Variants in ZRANB3 observed in about 807,000 individuals in gnomAD.
The protein encoded by ZRANB3 is zinc finger RANBP2-type containing 3, also known as DNA annealing helicase and endonuclease ZRANB3.
Under a neutral mutation model 133.8 loss-of-function variants are expected in ZRANB3, and 125 were observed. The ratio of observed to expected loss-of-function variants is 0.93; its 90% CI spans 0.81 to 1.08. The LOEUF is 1.08. ZRANB3 is among the 50% of genes least tolerant of loss of function. The pLI, the probability that ZRANB3 is intolerant of heterozygous loss-of-function variation, is 0.00. For synonymous variants in ZRANB3, 387 were observed against 432.7 expected (o/e 0.89, Z 1.31); for missense variants, 1,229 against 1,275.5 (o/e 0.96, Z 0.56).
intron 2 of ZRANB3, among the ~76,000 whole-genome samples, chr2:135,412,867 T>TA (rs1406295729): frequency 6.6e-6 from 1 of 152,160 alleles, no homozygotes; most frequent in Non-Finnish European, 1.5e-5. Context: ...TTAATTTTTT[T>TA]AAAGCTTATG....
intron 2 of ZRANB3, among the ~76,000 whole-genome samples, chr2:135,463,909 G>A (rs958269788): frequency 1.3e-5 from 2 of 152,180 alleles, no homozygotes; most frequent in Non-Finnish European, 2.9e-5. Flanking sequence ...CATTGACCCT[G>A]AAGGGAAGAG....
At chr2:135,202,712 A>T in intron 20 of ZRANB3, 120 bp downstream of exon 20, 1 of 1,278,570 alleles carries the variant, frequency 7.8e-7, no homozygotes, top group Non-Finnish European at 1.0e-6. Flanking sequence ...AAAGGAGTAA[A>T]ATGTGCCTCG....
intron 2 of ZRANB3, among the ~76,000 whole-genome samples, chr2:135,482,174 G>A (rs1256593504): frequency 2.9e-5 from 4 of 140,160 alleles, no homozygotes; most frequent in Non-Finnish European, 6.0e-5. Flanking sequence ...TAGCTTGATG[G>A]GGATGGCATT....
intron 2 of ZRANB3, among the ~76,000 whole-genome samples, chr2:135,470,575 T>C (rs1043951265): frequency 5.3e-5 from 8 of 150,484 alleles, no homozygotes; most frequent in Admixed American, 1.3e-4. Context: ...TAATCCCAGA[T>C]ACTCGGGAGG....
chr2:135,451,085 A>T (rs1690247275), intron 2 of ZRANB3, among the ~76,000 whole-genome samples: 1 of 152,192 alleles, frequency 6.6e-6, no homozygotes, highest in Non-Finnish European at 1.5e-5. Flanking sequence ...AGTGGGGCAA[A>T]ATCATCTTTA....
intron 3 of ZRANB3, among the ~76,000 whole-genome samples, chr2:135,389,722 A>T (rs1228669902): frequency 3.3e-5 from 5 of 152,096 alleles, no homozygotes; most frequent in Non-Finnish European, 5.9e-5. Context: ...GAGACTACAG[A>T]GATAAGCCAT....
intron 15 of ZRANB3, among the ~76,000 whole-genome samples, chr2:135,223,254 A>T (rs1694625779): frequency 6.6e-6 from 1 of 152,132 alleles, no homozygotes; most frequent in Non-Finnish European, 1.5e-5. Context: ...GTCCTAAAAA[A>T]AACAAAAAAT....
intron 2 of ZRANB3, among the ~76,000 whole-genome samples, chr2:135,456,130 G>A (rs1372559987): frequency 6.6e-6 from 1 of 152,112 alleles, no homozygotes; most frequent in African/African-American, 2.4e-5. Flanking sequence ...GTTGATTAGG[G>A]TAGACTTGGC....
chr2:135,390,494 T>C (rs1687174387), intron 3 of ZRANB3, among the ~76,000 whole-genome samples: 1 of 152,166 alleles, frequency 6.6e-6, no homozygotes, highest in African/African-American at 2.4e-5. Context: ...CAAGTACTAT[T>C]ATAACAGAAA....
chr2:135,265,502 A>C, intron 12 of ZRANB3, 32 bp downstream of exon 12: 1 of 1,556,414 alleles, frequency 6.4e-7, no homozygotes, highest in Non-Finnish European at 8.7e-7. Flanking sequence ...GATACTAAAA[A>C]AAATAGAAAA....
chr2:135,522,995 T>C (rs1164779285), intron 1 of ZRANB3, among the ~76,000 whole-genome samples: 1 of 152,204 alleles, frequency 6.6e-6, no homozygotes, highest in Admixed American at 6.5e-5. Flanking sequence ...ATACAATTCA[T>C]AATCTCTTCA....
intron 8 of ZRANB3, among the ~76,000 whole-genome samples, chr2:135,305,877 T>G (rs1682665559): frequency 6.6e-6 from 1 of 152,180 alleles, no homozygotes; most frequent in South Asian, 2.1e-4. Flanking sequence ...AAAGCTTTTT[T>G]TTTCTTCCTT....
At chr2:135,296,360 T>C (rs1042661895) in intron 8 of ZRANB3, among the ~76,000 whole-genome samples, 1 of 152,228 alleles carries the variant, frequency 6.6e-6, no homozygotes, top group African/African-American at 2.4e-5. Context: ...TTTCTTCCAA[T>C]TGATCGCATC....
intron 2 of ZRANB3, among the ~76,000 whole-genome samples, chr2:135,421,729 G>A (rs1285955336): frequency 6.6e-6 from 1 of 151,930 alleles, no homozygotes; most frequent in Non-Finnish European, 1.5e-5. Context: ...ATGTTTACAA[G>A]TGACCTGATC....
intron 15 of ZRANB3, among the ~76,000 whole-genome samples, chr2:135,222,122 AG>A (rs1218929809): frequency 7.2e-5 from 11 of 152,180 alleles, no homozygotes; most frequent in Non-Finnish European, 1.3e-4. Context: ...TTAAAATTTT[AG>A]GCTGGGCGTG....
intron 2 of ZRANB3, among the ~76,000 whole-genome samples, chr2:135,459,619 A>G (rs541883985): frequency 6.6e-6 from 1 of 152,206 alleles, no homozygotes; most frequent in Non-Finnish European, 1.5e-5. Context: ...TCTGAAAAAC[A>G]TAAAGGTCTA....
intron 8 of ZRANB3, among the ~76,000 whole-genome samples, chr2:135,298,022 A>C (rs1465623655): frequency 6.6e-6 from 1 of 152,064 alleles, no homozygotes; most frequent in Non-Finnish European, 1.5e-5. Flanking sequence ...TGACGTCAGG[A>C]GTTAATATCA....
intron 12 of ZRANB3, among the ~76,000 whole-genome samples, chr2:135,256,089 AT>A (rs1447615452): frequency 2.0e-5 from 3 of 151,414 alleles, no homozygotes; most frequent in Admixed American, 2.0e-4. Context: ...TGATTTTTGT[AT>A]TTTTTATAAA....
At chr2:135,372,308 C>T (rs1429644551) in intron 3 of ZRANB3, among the ~76,000 whole-genome samples, 1 of 152,138 alleles carries the variant, frequency 6.6e-6, no homozygotes, top group Non-Finnish European at 1.5e-5. Flanking sequence ...CTTAGACTTC[C>T]CAGCCCCCAG....
Sources: gnomAD v4.1 joint callset for allele counts (sites outside exome capture counted in the v4.1 genomes callset) on GRCh38, gnomAD v4.1.1 for gene constraint, MANE v1.5 for transcripts, NCBI Gene and HGNC (gene_info 2026-07-23, HGNC 2026-07-21) for gene names.